FOXP1: variants seen among roughly 807,000 people sequenced by gnomAD.
FOXP1 encodes the protein forkhead box protein P1.
A neutral mutation model predicts 98.2 loss-of-function variants in FOXP1; 15 were observed. That is an observed-to-expected ratio of 0.15 (90% confidence interval 0.10 to 0.24). The LOEUF (loss-of-function observed/expected upper bound fraction) is 0.24, where lower values mean the gene tolerates loss of function less well. Ranked by LOEUF, FOXP1 falls within the 10% of genes least tolerant of loss-of-function variation. FOXP1 has a pLI of 1.00. For missense variants in FOXP1, 633 were observed against 848.5 expected (o/e 0.75, Z 3.15); for synonymous variants, 371 against 314.5 (o/e 1.18, Z -1.90).
At chr3:71,130,619 T>C (rs1240606533) in intron 6 of FOXP1, 2 of 1,598,272 alleles carry the variant, frequency 1.3e-6, no homozygotes, top group African/African-American at 1.3e-5. Flanking sequence ...GTAAAAAAGA[T>C]GTTTGAATAA....
intron 13 of FOXP1, among the ~76,000 whole-genome samples, chr3:70,991,783 A>C (rs552136025): frequency 6.6e-5 from 10 of 152,330 alleles, no homozygotes; most frequent in Non-Finnish European, 1.2e-4. Context: ...GAGGTTTGCA[A>C]GGTAAACATA....
At chr3:71,303,761 G>A (rs997094215) in intron 4 of FOXP1, among the ~76,000 whole-genome samples, 20 of 152,012 alleles carry the variant, frequency 1.3e-4, no homozygotes, top group Non-Finnish European at 2.6e-4. Context: ...AGTGGGGAAG[G>A]TGGGGAATGA....
intron 5 of FOXP1, among the ~76,000 whole-genome samples, chr3:71,213,819 AAAAAT>A (rs1470646655): frequency 2.6e-5 from 4 of 152,224 alleles, no homozygotes; most frequent in African/African-American, 7.2e-5. Flanking sequence ...CCATTTCAAA[AAAAAT>A]AAAATAAAAA....
intron 14 of FOXP1, among the ~76,000 whole-genome samples, chr3:70,987,425 TCTC>T (rs1315863812): frequency 6.6e-6 from 1 of 152,218 alleles, no homozygotes; most frequent in African/African-American, 2.4e-5. Flanking sequence ...CTGTGTTTGG[TCTC>T]CTAACTGTGA....
intron 3 of FOXP1, among the ~76,000 whole-genome samples, chr3:71,451,260 T>C (rs1175379983): frequency 6.6e-6 from 1 of 152,222 alleles, no homozygotes; most frequent in Non-Finnish European, 1.5e-5. Context: ...CTGTGAGCAC[T>C]TCTTTGTATG....
At chr3:71,179,385 G>T (rs2062150518) in intron 6 of FOXP1, among the ~76,000 whole-genome samples, 1 of 152,028 alleles carries the variant, frequency 6.6e-6, no homozygotes, top group Non-Finnish European at 1.5e-5. Context: ...TGGGATTACA[G>T]GTGTGAGCCA....
chr3:71,213,618 C>G (rs1204253759), intron 5 of FOXP1, among the ~76,000 whole-genome samples: 6 of 152,122 alleles, frequency 3.9e-5, no homozygotes, highest in African/African-American at 1.4e-4. Context: ...AAGTTCGAGA[C>G]CAGCCTGGCC....
intron 2 of FOXP1, among the ~76,000 whole-genome samples, chr3:71,507,827 T>A (rs1243251578): frequency 6.6e-6 from 1 of 152,198 alleles, no homozygotes; most frequent in Non-Finnish European, 1.5e-5. Flanking sequence ...TCCACCCACC[T>A]TGGCCTCCCA....
intron 3 of FOXP1, among the ~76,000 whole-genome samples, chr3:71,436,421 T>C (rs904794706): frequency 1.3e-5 from 2 of 152,032 alleles, no homozygotes; most frequent in African/African-American, 4.8e-5. Context: ...GTGTGGGGAA[T>C]GCTGGCCCTG....
intron 6 of FOXP1, among the ~76,000 whole-genome samples, chr3:71,138,976 G>A (rs532759663): frequency 2.0e-5 from 3 of 152,028 alleles, no homozygotes; most frequent in Admixed American, 6.5e-5. Context: ...TATGATGAAC[G>A]GATGCCAACA....
intron 6 of FOXP1, among the ~76,000 whole-genome samples, chr3:71,163,839 T>C (rs10084728): frequency 0.32 from 48,665 of 151,788 alleles, 8,433 homozygotes; most frequent in East Asian, 0.67. Context: ...AGAGTTTTCA[T>C]AGAAGCCATG....
intron 3 of FOXP1, among the ~76,000 whole-genome samples, chr3:71,388,270 G>A (rs184340175): frequency 2.0e-5 from 3 of 152,268 alleles, no homozygotes; most frequent in Non-Finnish European, 2.9e-5. Flanking sequence ...ATTCAACTGC[G>A]TGACTTTTTA....
intron 6 of FOXP1, among the ~76,000 whole-genome samples, chr3:71,175,069 C>T (rs541620779): frequency 1.4e-4 from 22 of 152,180 alleles, no homozygotes; most frequent in Middle Eastern, 6.8e-3. Context: ...CCTGCCACCA[C>T]GCCTCGCTAA....
At chr3:71,140,858 A>C (rs986702631) in intron 6 of FOXP1, among the ~76,000 whole-genome samples, 3 of 152,088 alleles carry the variant, frequency 2.0e-5, no homozygotes, top group Non-Finnish European at 4.4e-5. Context: ...GGGCAACCGT[A>C]GTCCTAGCTA....
chr3:71,158,092 G>GAAGGAAGGAAGGAAGGAAGGAAGA, intron 6 of FOXP1, among the ~76,000 whole-genome samples: 3 of 20,256 alleles, frequency 1.5e-4, no homozygotes, highest in Non-Finnish European at 4.8e-4. Context: ...AAGAAGGAAG[G>GAAGGAAGGAAGGAAGGAAGGAAGA]AAGGAAGGAA....
chr3:71,443,184 A>G (rs2086107390), intron 3 of FOXP1, among the ~76,000 whole-genome samples: 1 of 152,126 alleles, frequency 6.6e-6, no homozygotes, highest in African/African-American at 2.4e-5. Context: ...GTGAGCCACC[A>G]CGCCCGGCCC....
intron 6 of FOXP1, among the ~76,000 whole-genome samples, chr3:71,132,183 A>C (rs1201042222): frequency 6.6e-6 from 1 of 152,228 alleles, no homozygotes; most frequent in Non-Finnish European, 1.5e-5. Context: ...GGGCGCCATG[A>C]AAGTGGGCGG....
At chr3:71,566,799 G>A (rs2046948149) in intron 2 of FOXP1, among the ~76,000 whole-genome samples, 1 of 152,136 alleles carries the variant, frequency 6.6e-6, no homozygotes. Context: ...GTGCCCACCT[G>A]CTCTGCTCAT....
At chr3:71,036,353 T>C (rs541751903) in intron 11 of FOXP1, among the ~76,000 whole-genome samples, 8 of 152,326 alleles carry the variant, frequency 5.3e-5, no homozygotes, top group South Asian at 2.1e-4. Context: ...GTTTCTAATA[T>C]GATACCTCAA....
Sources: allele counts gnomAD v4.1 joint callset (sites outside exome capture counted in the v4.1 genomes callset), GRCh38; gene constraint gnomAD v4.1.1; transcripts MANE v1.5; gene names NCBI Gene and HGNC (gene_info 2026-07-23, HGNC 2026-07-21).